KCNAB1: variants seen among roughly 807,000 people sequenced by gnomAD.
KCNAB1 encodes the protein voltage-gated potassium channel subunit beta-1.
A neutral mutation model predicts 64.6 loss-of-function variants in KCNAB1; 35 were observed. That is an observed-to-expected ratio of 0.54 (90% confidence interval 0.41 to 0.72). KCNAB1 has a LOEUF of 0.72. KCNAB1 is among the 30% of genes least tolerant of loss of function. KCNAB1 has a pLI of 0.00. For synonymous variants in KCNAB1, 177 were observed against 183.8 expected, an observed-to-expected ratio of 0.96 and a Z score of 0.30; for missense variants, 401 against 512.9, an observed-to-expected ratio of 0.78 and a Z score of 2.11.
chr3:156,473,522 G>T (rs1714104189), intron 7 of KCNAB1, among the ~76,000 whole-genome samples: 1 of 152,098 alleles, frequency 6.6e-6, no homozygotes. Flanking sequence ...CATCACAGAA[G>T]GTTTATAGGA....
intron 1 of KCNAB1, among the ~76,000 whole-genome samples, chr3:156,255,320 C>T (rs149090845): frequency 2.7e-4 from 41 of 152,248 alleles, no homozygotes; most frequent in Admixed American, 7.2e-4. Flanking sequence ...GGGATGAATG[C>T]ACTACAGATG....
intron 1 of KCNAB1, among the ~76,000 whole-genome samples, chr3:156,352,814 A>C (rs1724946276): frequency 6.6e-6 from 1 of 152,238 alleles, no homozygotes; most frequent in African/African-American, 2.4e-5. Context: ...GCCTGGGCCC[A>C]GCTGAGCCAT....
chr3:156,213,296 G>A (rs1715129244), intron 1 of KCNAB1, among the ~76,000 whole-genome samples: 1 of 150,120 alleles, frequency 6.7e-6, no homozygotes, highest in Non-Finnish European at 1.5e-5. Flanking sequence ...ATGGCTCACT[G>A]CAGCCTCAAA....
intron 1 of KCNAB1, among the ~76,000 whole-genome samples, chr3:156,140,624 G>A (rs1714653104): frequency 6.6e-6 from 1 of 152,012 alleles, no homozygotes; most frequent in Admixed American, 6.6e-5. Flanking sequence ...ATGAATTTTG[G>A]GAGGAATGCA....
intron 1 of KCNAB1, among the ~76,000 whole-genome samples, chr3:156,214,726 G>T (rs539361424): frequency 2.6e-5 from 4 of 152,176 alleles, no homozygotes; most frequent in Non-Finnish European, 4.4e-5. Flanking sequence ...AGAATGAAAT[G>T]ATTTAACAAG....
intron 1 of KCNAB1, among the ~76,000 whole-genome samples, chr3:156,378,246 C>T (rs1711861530): frequency 6.6e-6 from 1 of 152,116 alleles, no homozygotes; most frequent in South Asian, 2.1e-4. Context: ...GTGTTTGGGT[C>T]TGCAAACTAG....
At chr3:156,139,584 GTTTT>G (rs386398329) in intron 1 of KCNAB1, among the ~76,000 whole-genome samples, 629 of 55,232 alleles carry the variant, frequency 0.011, 3 homozygotes, top group African/African-American at 0.045. Context: ...ATTGTACTGT[GTTTT>G]TTTTTTTTTT....
chr3:156,187,795 C>A (rs1272309350), intron 1 of KCNAB1, among the ~76,000 whole-genome samples: 3 of 152,246 alleles, frequency 2.0e-5, no homozygotes, highest in African/African-American at 7.2e-5. Context: ...CAAATCAGGT[C>A]ATTTCCCTAC....
At chr3:156,349,420 G>A (rs1167456327) in intron 1 of KCNAB1, among the ~76,000 whole-genome samples, 3 of 152,180 alleles carry the variant, frequency 2.0e-5, no homozygotes, top group Non-Finnish European at 4.4e-5. Flanking sequence ...TGCTTCACAA[G>A]TACTTTCTAA....
intron 1 of KCNAB1, among the ~76,000 whole-genome samples, chr3:156,156,094 C>A (rs1041711879): frequency 6.6e-6 from 1 of 152,020 alleles, no homozygotes; most frequent in Non-Finnish European, 1.5e-5. Flanking sequence ...CAATGTGGCC[C>A]AAGACTCCCA....
At chr3:156,411,519 T>C (rs1559871630) in intron 1 of KCNAB1, among the ~76,000 whole-genome samples, 1 of 152,184 alleles carries the variant, frequency 6.6e-6, no homozygotes, top group Non-Finnish European at 1.5e-5. Context: ...CCACTTTTCA[T>C]TAATATTTGT....
intron 8 of KCNAB1, among the ~76,000 whole-genome samples, chr3:156,503,715 T>C (rs928848815): frequency 1.3e-5 from 2 of 152,116 alleles, no homozygotes; most frequent in East Asian, 3.9e-4. Flanking sequence ...GCCACAAAGC[T>C]CAAACAAGAC....
At chr3:156,328,243 G>A (rs1208344804) in intron 1 of KCNAB1, among the ~76,000 whole-genome samples, 1 of 152,096 alleles carries the variant, frequency 6.6e-6, no homozygotes, top group Non-Finnish European at 1.5e-5. Flanking sequence ...ATCATGAAGG[G>A]CTTGGTATAC....
intron 1 of KCNAB1, among the ~76,000 whole-genome samples, chr3:156,171,083 C>T (rs1285688602): frequency 1.3e-5 from 2 of 151,852 alleles, no homozygotes; most frequent in Non-Finnish European, 2.9e-5. Flanking sequence ...GTATGTCTAC[C>T]TTTGTTTGAG....
At chr3:156,250,602 A>G (rs1248110644) in intron 1 of KCNAB1, among the ~76,000 whole-genome samples, 1 of 152,044 alleles carries the variant, frequency 6.6e-6, no homozygotes, top group African/African-American at 2.4e-5. Context: ...CTCTTTTTTT[A>G]CCCTTGATAG....
At chr3:156,369,960 T>A (rs1330709050) in intron 1 of KCNAB1, among the ~76,000 whole-genome samples, 1 of 152,218 alleles carries the variant, frequency 6.6e-6, no homozygotes, top group Non-Finnish European at 1.5e-5. Flanking sequence ...ACACTAAATG[T>A]CATTAACGTT....
At chr3:156,219,063 A>G (rs934765434) in intron 1 of KCNAB1, among the ~76,000 whole-genome samples, 4 of 151,946 alleles carry the variant, frequency 2.6e-5, no homozygotes, top group African/African-American at 9.7e-5. Flanking sequence ...TACACCCTGA[A>G]GAGATCATAC....
chr3:156,366,133 A>G (rs1041263081), intron 1 of KCNAB1, among the ~76,000 whole-genome samples: 10 of 152,218 alleles, frequency 6.6e-5, no homozygotes, highest in Admixed American at 2.0e-4. Context: ...TATGAATGCA[A>G]TCTGGCATTT....
intron 1 of KCNAB1, among the ~76,000 whole-genome samples, chr3:156,313,440 G>T (rs180957807): frequency 6.6e-6 from 1 of 152,202 alleles, no homozygotes; most frequent in Non-Finnish European, 1.5e-5. Context: ...GTTCTTAAGT[G>T]TAATCACAGG....
Sources: allele counts gnomAD v4.1 joint callset (sites outside exome capture counted in the v4.1 genomes callset), GRCh38; gene constraint gnomAD v4.1.1; transcripts MANE v1.5; gene names NCBI Gene and HGNC (gene_info 2026-07-23, HGNC 2026-07-21).